Variants in ARID1B observed in about 807,000 individuals in gnomAD.
The protein encoded by ARID1B is AT-rich interactive domain-containing protein 1B.
In ARID1B, 30 loss-of-function variants were observed where a neutral mutation model predicts 212.3. That is an observed-to-expected ratio of 0.14 (90% confidence interval 0.11 to 0.19). The LOEUF (loss-of-function observed/expected upper bound fraction) is 0.19. ARID1B is among the 10% of genes least tolerant of loss of function. ARID1B has a pLI of 1.00. For missense variants in ARID1B, 2,891 were observed against 3,204.0 expected, an observed-to-expected ratio of 0.90 and a Z score of 2.36; for synonymous variants, 1,402 against 1,301.7, an observed-to-expected ratio of 1.08 and a Z score of -1.66.
In ARID1B at chr6:156,935,536, A is replaced by G. The variant is rs1235518174; in HGVS notation, c.2207A>G (p.Asp736Gly). Reference sequence around the variant, plus strand: ...GCCCCCGGAAAACCTAACCATGAAGACTTGAACTTAATACAGCAAGAAAGA... The same window carrying G: ...GCCCCCGGAAAACCTAACCATGAAGGCTTGAACTTAATACAGCAAGAAAGA... The part of the protein sequence containing the change: ...PLAPGKPNHE[D>G]LNLIQQERPS... The change falls in exon 4 of 20, where the codon GAC becomes GGC. Residue 736 changes from aspartate (D) to glycine (G), a missense_variant. Physicochemically the swap from Asp to Gly is moderately conservative, Grantham distance 94. Coordinates refer to ENST00000636930, the MANE Select transcript of ARID1B (RefSeq NM_001374828.1). The G allele has an allele frequency of 1.2e-6, 2 of 1,613,878 alleles. No individual in the cohort carries two copies. The highest frequency in any genetic ancestry group is 1.7e-6 in the Non-Finnish European group (2 of 1,179,766).
chr6:157,145,474 C>T (rs1789659591), intron 7 of ARID1B, among the ~76,000 whole-genome samples: 1 of 152,108 alleles, frequency 6.6e-6, no homozygotes, highest in Non-Finnish European at 1.5e-5. Context: ...GCCCGTGCGT[C>T]GCCTGTAGGG....
At chr6:156,945,250 T>TTTTTTTTTTTTTTTTTTTG (rs1793023191) in intron 4 of ARID1B, among the ~76,000 whole-genome samples, 1 of 115,574 alleles carries the variant, frequency 8.7e-6, no homozygotes, top group Non-Finnish European at 1.8e-5. Context: ...TTTTTTTTTT[T>TTTTTTTTTTTTTTTTTTTG]TTTTTTTTTT....
intron 2 of ARID1B, among the ~76,000 whole-genome samples, chr6:156,865,561 G>A (rs771113459): frequency 7.2e-5 from 11 of 151,806 alleles, no homozygotes; most frequent in African/African-American, 1.2e-4. Flanking sequence ...ATTTCCCCAC[G>A]TACTCTGGCT....
At chr6:157,032,842 C>A (rs2128498514) in intron 4 of ARID1B, among the ~76,000 whole-genome samples, 1 of 152,226 alleles carries the variant, frequency 6.6e-6, no homozygotes, top group South Asian at 2.1e-4. Context: ...TTAAAAAAAA[C>A]TGATGGTAGC....
At chr6:156,867,866 G>A (rs1785819141) in intron 2 of ARID1B, among the ~76,000 whole-genome samples, 1 of 152,168 alleles carries the variant, frequency 6.6e-6, no homozygotes, top group Non-Finnish European at 1.5e-5. Flanking sequence ...CTTTAAAAAG[G>A]CAGGTGGAGA....
intron 8 of ARID1B, among the ~76,000 whole-genome samples, chr6:157,162,939 A>G (rs886824575): frequency 7.2e-5 from 11 of 152,102 alleles, no homozygotes; most frequent in African/African-American, 2.7e-4. Flanking sequence ...GTCCTTTGTA[A>G]CAGACATGAA....
intron 2 of ARID1B, among the ~76,000 whole-genome samples, chr6:156,899,251 G>T (rs192987374): frequency 9.9e-5 from 15 of 152,110 alleles, no homozygotes; most frequent in African/African-American, 3.4e-4. Context: ...AAGGGAATTG[G>T]ACTTAGAGTC....
intron 4 of ARID1B, among the ~76,000 whole-genome samples, chr6:157,080,812 G>A (rs566496696): frequency 4.3e-4 from 66 of 152,252 alleles, no homozygotes; most frequent in African/African-American, 1.5e-3. Context: ...GTCATTGCAG[G>A]GAACTGTCAT....
At chr6:156,839,187 G>A (rs1783722802) in intron 2 of ARID1B, among the ~76,000 whole-genome samples, 1 of 152,158 alleles carries the variant, frequency 6.6e-6, no homozygotes, top group African/African-American at 2.4e-5. Flanking sequence ...ATCACAGACT[G>A]GGTAATTTAT....
intron 4 of ARID1B, among the ~76,000 whole-genome samples, chr6:157,067,478 A>G (rs992146399): frequency 2.6e-5 from 4 of 152,010 alleles, no homozygotes; most frequent in African/African-American, 9.7e-5. Context: ...CCACAGAGGA[A>G]CCGTGGTTTT....
Position 156,924,346 on chromosome 6 carries a change from T to C in ARID1B, c.2137-11120T>C, listed in dbSNP as rs117912910. On this transcript the variant is annotated intron_variant, in intron 3 of 19. Transcript: ENST00000636930. ...CCTCAGGATGTGCTATTTTTTTCTT[T>C]GCTTATTAAGTCAAGAACTTTTCAC... 5.9e-5 allele frequency among the ~76,000 whole-genome samples: 9 copies of C among 152,358 alleles called. No homozygotes were observed. In the East Asian group the frequency reaches 1.7e-3, roughly 29 times the overall value.
intron 4 of ARID1B, among the ~76,000 whole-genome samples, chr6:156,987,199 C>A (rs1442958604): frequency 6.9e-6 from 1 of 145,244 alleles, no homozygotes; most frequent in Non-Finnish European, 1.5e-5. Flanking sequence ...GAGAGAGAGA[C>A]CCTGTCTCAA....
intron 4 of ARID1B, among the ~76,000 whole-genome samples, chr6:157,000,762 C>T (rs1172778161): frequency 1.4e-5 from 2 of 138,388 alleles, no homozygotes; most frequent in African/African-American, 2.7e-5. Flanking sequence ...GGTGCGTTCT[C>T]GGCTCAGTAC....
chr6:157,190,095 G>A lies in ARID1B; in HGVS notation c.4116G>A (p.Pro1372=), dbSNP rs766441730. 1.7e-5 allele frequency: 28 copies of A among 1,614,050 alleles called. No individual in the cohort carries two copies. The highest frequency in any genetic ancestry group is 1.6e-4 in the East Asian group (7 of 44,886). The part of the protein sequence containing the change: ...PFSDVSDSSF[P]KRNSMTPNAP... ...CAGATGTGAGTGATTCATCCTTCCC[G>A]AAACGGAACTCCATGACTCCAAACG... The change falls in exon 15 of 20, where the codon CCG becomes CCA. Residue 1372 remains proline (P), a synonymous_variant. Coordinates refer to ENST00000636930, the MANE Select transcript of ARID1B (RefSeq NM_001374828.1). The surrounding 1 kb of genome is among the most constrained non-coding windows in gnomAD (Gnocchi z 4.6).
chr6:156,822,701 G>A (rs1180718442), intron 1 of ARID1B, among the ~76,000 whole-genome samples: 1 of 152,190 alleles, frequency 6.6e-6, no homozygotes, highest in Non-Finnish European at 1.5e-5. Flanking sequence ...GTCTTTACTT[G>A]TGTCTTCTGC....
chr6:157,014,169 A>C (rs1779775371), intron 4 of ARID1B, among the ~76,000 whole-genome samples: 1 of 152,244 alleles, frequency 6.6e-6, no homozygotes, highest in South Asian at 2.1e-4. Context: ...AGGCTTGGCC[A>C]GCCATTAGCT....
At chr6:156,924,312 T>C (rs1339328954) in intron 3 of ARID1B, among the ~76,000 whole-genome samples, 1 of 152,250 alleles carries the variant, frequency 6.6e-6, no homozygotes, top group African/African-American at 2.4e-5. Flanking sequence ...TTTCCCTAGA[T>C]CTTAGCAACC....
chr6:157,000,252 T>A (rs1778830032), intron 4 of ARID1B, among the ~76,000 whole-genome samples: 1 of 152,180 alleles, frequency 6.6e-6, no homozygotes, highest in Non-Finnish European at 1.5e-5. Flanking sequence ...ATTCTAAAGC[T>A]GACTGGAGTC....
chr6:156,920,028 C>T (rs991106817), intron 3 of ARID1B, among the ~76,000 whole-genome samples: 29 of 152,362 alleles, frequency 1.9e-4, no homozygotes, highest in Non-Finnish European at 3.7e-4. Context: ...GATGTCTTCA[C>T]GCATGAGTGG....
Sources: gnomAD v4.1 joint callset for allele counts (sites outside exome capture counted in the v4.1 genomes callset) on GRCh38, gnomAD v4.1.1 for gene constraint, Gnocchi (gnomAD v3.1) non-coding constraint, MANE v1.5 for transcripts, NCBI Gene and HGNC (gene_info 2026-07-23, HGNC 2026-07-21) for gene names.